HPR: variants seen among roughly 807,000 people sequenced by gnomAD.
HPR encodes the protein haptoglobin-related protein, also known as Haptoglobin-related locus.
HPR carries 17 observed loss-of-function variants against 18.5 expected under a neutral mutation model. The ratio of observed to expected loss-of-function variants is 0.92; its 90% confidence interval spans 0.63 to 1.38. The LOEUF is 1.38. Among genes scored for constraint, HPR ranks in the 40% most tolerant of loss-of-function variants. HPR has a pLI of 0.00. For synonymous variants in HPR, 176 were observed against 165.0 expected (o/e 1.07, Z -0.51); for missense variants, 457 against 432.4 (o/e 1.06, Z -0.51).
chr16:72,066,408 C>T (rs1398884379), intron 1 of HPR, among the ~76,000 whole-genome samples: 1 of 152,180 alleles, frequency 6.6e-6, no homozygotes, highest in Non-Finnish European at 1.5e-5. Context: ...TGAACACCCT[C>T]CTGGTCAAAA....
chr16:72,068,364 C>T (rs1410502628), intron 1 of HPR, among the ~76,000 whole-genome samples: 1 of 152,112 alleles, frequency 6.6e-6, no homozygotes, highest in Non-Finnish European at 1.5e-5. Context: ...TCAGACTAAA[C>T]AGGAACTCAG....
intron 1 of HPR, among the ~76,000 whole-genome samples, chr16:72,064,387 A>G (rs894918424): frequency 6.6e-6 from 1 of 152,076 alleles, no homozygotes; most frequent in Admixed American, 6.5e-5. Context: ...TACCCTGGTA[A>G]ACAACCTTCC....
At chr16:72,076,231 G>A in intron 4 of HPR, 72 bp from the exon 5 acceptor site, 1 of 1,593,378 alleles carries the variant, frequency 6.3e-7, no homozygotes, top group Admixed American at 1.7e-5. Context: ...AGCCGCCAAT[G>A]CTTTCACCCC....
intron 3 of HPR, chr16:72,074,631 C>G: frequency 1.4e-6 from 1 of 714,192 alleles, no homozygotes; most frequent in African/African-American, 1.7e-5. Context: ...ATGTAAATCT[C>G]AGAGTCAGAT....
chr16:72,074,733 G>A, intron 3 of HPR: 2 of 702,806 alleles, frequency 2.8e-6, no homozygotes, highest in Non-Finnish European at 5.2e-6. Context: ...CTGCTCTAAG[G>A]GCTTTATATT....
chr16:72,076,591 A>G lies in HPR; in HGVS notation c.557A>G (p.Gln186Arg). The G allele has an allele frequency of 1.9e-6, 3 of 1,614,222 alleles. No individual in the cohort carries two copies. The highest frequency in any genetic ancestry group is 1.7e-6 in the Non-Finnish European group (2 of 1,180,042). Residue 186 changes from glutamine (Q) to arginine (R), a missense_variant, in exon 5 of 5, where the codon CAG becomes CGG. Coordinates refer to ENST00000540303, the MANE Select transcript of HPR (RefSeq NM_020995.4). ...GTGGTTCTACACCCTAACTACCACC[A>G]GGTAGATATTGGGCTCATCAAACTC... is the stretch of plus-strand genomic sequence containing the variant. ...EKVVLHPNYH[Q>R]VDIGLIKLKQ...
intron 1 of HPR, among the ~76,000 whole-genome samples, chr16:72,073,238 T>C (rs2041676175): frequency 1.3e-5 from 2 of 152,200 alleles, no homozygotes; most frequent in Admixed American, 1.3e-4. Flanking sequence ...TCTGCTTTCC[T>C]TTGTTCGGGG....
chr16:72,072,451 C>T (rs9921716), intron 1 of HPR, among the ~76,000 whole-genome samples: 958 of 148,976 alleles, frequency 6.4e-3, no homozygotes, highest in African/African-American at 0.023. Context: ...TATCGGAACC[C>T]GATGCTATAC....
intron 3 of HPR, 87 bp downstream of exon 3, chr16:72,074,472 G>C (rs909147034): frequency 6.7e-6 from 8 of 1,197,574 alleles, no homozygotes; most frequent in Non-Finnish European, 1.0e-5. Context: ...TGATTTGCCA[G>C]AAAGTTCGTT....
At chr16:72,075,837 T>C (rs577042118) in intron 4 of HPR, among the ~76,000 whole-genome samples, 181 of 151,336 alleles carry the variant, frequency 1.2e-3, no homozygotes, top group South Asian at 5.8e-3. Flanking sequence ...TTCTTTCTTT[T>C]TTTTTTTTTT....
chr16:72,071,567 T>C (rs1364352736), intron 1 of HPR, among the ~76,000 whole-genome samples: 1 of 152,172 alleles, frequency 6.6e-6, no homozygotes, highest in African/African-American at 2.4e-5. Flanking sequence ...CAATTTTACT[T>C]TGTGTCTCTC....
rs152833 is a variant in HPR, at chr16:72,074,365, G to A, written c.173G>A (p.Arg58Lys). 103 of 1,613,232 alleles carry A rather than the reference G, an allele frequency of 6.4e-5. No individual in the cohort carries two copies. Among genetic ancestry groups the A allele is most frequent in the Non-Finnish European group, 8.1e-5 (95 of 1,179,360 alleles). The change falls in exon 3 of 5, where the codon AGA becomes AAA. Residue 58 changes from arginine to lysine, a missense_variant. Coordinates refer to ENST00000540303, the MANE Select transcript of HPR (RefSeq NM_020995.4). ...LFRYQCKNYY[R>K]LRTEGDGVYT... ...CGCTACCAGTGTAAGAACTACTACA[G>A]ACTGCGCACAGAAGGAGATGGTAAG...
intron 1 of HPR, among the ~76,000 whole-genome samples, chr16:72,064,554 C>T (rs968114984): frequency 3.3e-5 from 5 of 152,282 alleles, no homozygotes; most frequent in African/African-American, 9.6e-5. Context: ...CAACCGGGTT[C>T]GGATTGTGCA....
At position 72,063,407 on chromosome 16, in the gene HPR, C is replaced by A. The variant is rs1157033610; in HGVS notation, c.5+147C>A. 1.1e-5 allele frequency: 10 copies of A among 951,976 alleles called. No homozygotes were observed. The East Asian group carries it at 2.2e-4, about 21-fold the overall frequency. 59.0% of individuals were successfully genotyped at this position (951,976 alleles called of 1,614,324 possible). Reference sequence around the variant, plus strand: ...AACCAAAGGGCTTAGTGTGTTAAATCTTCTCCTTTTCTGCATCCATAGAAG... The same window carrying A: ...AACCAAAGGGCTTAGTGTGTTAAATATTCTCCTTTTCTGCATCCATAGAAG... On this transcript the variant is annotated intron_variant, in intron 1 of 4. Transcript: ENST00000540303.
chr16:72,069,664 A>G (rs1209112758), intron 1 of HPR, among the ~76,000 whole-genome samples: 1 of 152,214 alleles, frequency 6.6e-6, no homozygotes, highest in East Asian at 1.9e-4. Context: ...TGGATGTATA[A>G]GAATTTACAC....
rs1269919272 is a variant in HPR, at chr16:72,074,325, G to A, written c.133G>A (p.Val45Met). ...GCCCCCTGAGATTGCAAATGGCTAT[G>A]TGGAGCACTTGTTTCGCTACCAGTG... ...PKPPEIANGYVEHLFRYQCKN... is the reference protein window; with the variant it reads ...PKPPEIANGYMEHLFRYQCKN... Residue 45 changes from valine to methionine, a missense_variant, in exon 3 of 5, where the codon GTG becomes ATG. Transcript: ENST00000540303. The A allele has an allele frequency of 1.2e-6, 2 of 1,614,086 alleles. No individual in the cohort carries two copies. The highest frequency in any genetic ancestry group is 1.7e-6 in the Non-Finnish European group (2 of 1,180,004).
intron 1 of HPR, among the ~76,000 whole-genome samples, chr16:72,072,718 C>T (rs1158241552): frequency 6.6e-6 from 1 of 152,154 alleles, no homozygotes; most frequent in Admixed American, 6.5e-5. Flanking sequence ...CTCATTGAAA[C>T]AGCTCTCCCC....
intron 3 of HPR, chr16:72,074,844 C>T (rs147909581): frequency 9.0e-5 from 58 of 647,392 alleles, no homozygotes; most frequent in Non-Finnish European, 1.5e-4. Context: ...AGTATCTTGC[C>T]CAAATTCAGG....
At chr16:72,069,905 C>T (rs565304639) in intron 1 of HPR, among the ~76,000 whole-genome samples, 38 of 152,224 alleles carry the variant, frequency 2.5e-4, no homozygotes, top group African/African-American at 8.4e-4. Flanking sequence ...CCACCAGTAA[C>T]GTAGTTAAGG....
Sources: gnomAD v4.1 joint callset for allele counts (sites outside exome capture counted in the v4.1 genomes callset) on GRCh38, gnomAD v4.1.1 for gene constraint, MANE v1.5 for transcripts, NCBI Gene and HGNC (gene_info 2026-07-23, HGNC 2026-07-21) for gene names.